The following ITGA7 variants were observed in gnomAD, a reference collection of about 807,000 sequenced individuals.
ITGA7 encodes integrin subunit alpha 7.
ITGA7 carries 84 observed loss-of-function variants against 131.6 expected under a neutral mutation model. That is an observed-to-expected ratio of 0.64 (90% CI 0.54 to 0.77). The LOEUF (loss-of-function observed/expected upper bound fraction) is 0.77. ITGA7 is among the 30% of genes least tolerant of loss of function. The pLI is 0.00. For missense variants in ITGA7, 1,399 were observed against 1,482.9 expected (o/e 0.94, Z 0.93); for synonymous variants, 548 against 600.7 (o/e 0.91, Z 1.28).
At chr12:55,707,436 T>C in intron 1 of ITGA7, 41 bp downstream of exon 1, 3 of 1,527,230 alleles carry the variant, frequency 2.0e-6, no homozygotes, top group Non-Finnish European at 1.8e-6. Context: ...GGACGATCTG[T>C]GGCTCGGGCA....
chr12:55,713,173 T>A (rs1002485248), upstream of ITGA7, among the ~76,000 whole-genome samples: 1 of 152,160 alleles, frequency 6.6e-6, no homozygotes, highest in African/African-American at 2.4e-5. Context: ...CTGCCTCTAT[T>A]TTGCTTGCTC....
At chr12:55,689,675 T>A (rs1000334552) in intron 21 of ITGA7, among the ~76,000 whole-genome samples, 2 of 152,234 alleles carry the variant, frequency 1.3e-5, no homozygotes, top group Admixed American at 1.3e-4. Context: ...ATTTTGCCAC[T>A]TTTGAGCCAT....
chr12:55,690,371 A>C (rs1401955597), intron 21 of ITGA7, among the ~76,000 whole-genome samples: 2 of 151,090 alleles, frequency 1.3e-5, no homozygotes, highest in Non-Finnish European at 3.0e-5. Context: ...ACATGAAAAA[A>C]TGCTCACCAT....
rs1367076468 is a variant in ITGA7 at position 55,694,174 on chromosome 12, A to G, written c.2433-51T>C. ...GTGAGAAGGTCTGGGGCCTGGCTCA[A>G]TGAAGGCAGGGCCCTGGCCAAGGTT... On this transcript the variant is annotated intron_variant, in intron 18 of 24. Coordinates refer to ENST00000257879, the MANE Select transcript of ITGA7 (RefSeq NM_002206.3). This position sits in a 1 kb window ranked among gnomAD's most constrained non-coding sequence, Gnocchi z 5.3. 1 of 1,611,328 alleles carries G rather than the reference A, an allele frequency of 6.2e-7. No individual in the cohort carries two copies. Among genetic ancestry groups the G allele is most frequent in the Non-Finnish European group, 8.5e-7 (1 of 1,177,410 alleles).
upstream of ITGA7, among the ~76,000 whole-genome samples, chr12:55,711,732 A>G (rs565560850): frequency 6.6e-5 from 10 of 152,326 alleles, no homozygotes; most frequent in South Asian, 2.1e-3. Context: ...CTTTATAAAA[A>G]TTTCCAAAAT....
In ITGA7 at chr12:55,684,745, C is replaced by T; in HGVS notation, c.*313G>A. 2.8e-6 allele frequency: 1 copy of T among 359,046 alleles called. No individual in the cohort carries two copies. Among genetic ancestry groups the T allele is most frequent in the Non-Finnish European group, 5.0e-6 (1 of 198,406 alleles). The allele number at this position is 359,046 out of a possible 1,614,324, so 22.2% of individuals were successfully genotyped here. On this transcript the variant is annotated 3_prime_UTR_variant, in exon 25 of 25. Coordinates refer to ENST00000257879, the MANE Select transcript of ITGA7 (RefSeq NM_002206.3). ...TTCCGGGGAGGCAGGTCCTTGGGGT[C>T]CTGTTACACAGGGTGAATGGGAGAG...
chr12:55,700,501 C>A, intron 4 of ITGA7: 2 of 1,353,322 alleles, frequency 1.5e-6, no homozygotes, highest in Non-Finnish European at 2.0e-6. Context: ...TTCTTTCTAG[C>A]CCTCTCCCCA....
At position 55,707,462 on chromosome 12, in the gene ITGA7, G is replaced by A. The variant is rs1875451886; in HGVS notation, c.206+15C>T. 8.1e-6 allele frequency: 13 copies of A among 1,604,804 alleles called. No individual in the cohort carries two copies. Among genetic ancestry groups the A allele is most frequent in the Non-Finnish European group, 1.1e-5 (13 of 1,172,456 alleles). On this transcript the variant is annotated intron_variant, in intron 1 of 24. Transcript: ENST00000257879. ...GGCTCGGGCATGGCGACTCTGGGCG[G>A]GTGCGGTGACTCACCAGCTCTGGGG...
intron 21 of ITGA7, among the ~76,000 whole-genome samples, chr12:55,689,195 C>T (rs1870923291): frequency 6.6e-6 from 1 of 152,188 alleles, no homozygotes; most frequent in Non-Finnish European, 1.5e-5. Flanking sequence ...GTAGCTTCCC[C>T]AAGTGATGCT....
In ITGA7 at chr12:55,694,930, G is replaced by T; in HGVS notation, c.2044C>A (p.Gln682Lys). Residue 682 changes from glutamine (Q) to lysine (K), a missense_variant, in exon 15 of 25, where the codon CAG becomes AAG. Coordinates refer to ENST00000257879, the MANE Select transcript of ITGA7 (RefSeq NM_002206.3). This position sits in a 1 kb window ranked among gnomAD's most constrained non-coding sequence, Gnocchi z 5.3. ...GTTALFALSG[Q>K]PVIGLELMVT... Reference sequence around the variant, plus strand: ...ATCAGCTCCAGGCCAATGACTGGCTGCCCACTCAGTGCAAACAGGGCTGTT... The same window carrying T: ...ATCAGCTCCAGGCCAATGACTGGCTTCCCACTCAGTGCAAACAGGGCTGTT... 1.2e-6 allele frequency: 2 copies of T among 1,613,894 alleles called. No homozygotes were observed. The highest frequency in any genetic ancestry group is 1.3e-5 in the African/African-American group (1 of 75,038).
Position 55,694,329 on chromosome 12 carries a change from T to C in ITGA7, c.2359A>G (p.Ile787Val). The change falls in exon 18 of 25, where the codon ATC (isoleucine) becomes GTC (valine). Residue 787 changes from isoleucine to valine, a missense_variant and splice_region_variant. Transcript: ENST00000257879. This position sits in a 1 kb window ranked among gnomAD's most constrained non-coding sequence, Gnocchi z 5.3. The part of the protein sequence containing the change: ...ELEVELLLAT[I>V]SEQELHPVSA... ...ACTGGATGCAGCTCCTGCTCACTGA[T>C]CCTGGTGAGTGGGCAGGGGCAAGTA... The C allele has an allele frequency of 6.2e-7, 1 of 1,613,770 alleles. No homozygotes were observed. Among genetic ancestry groups the C allele is most frequent in the Non-Finnish European group, 8.5e-7 (1 of 1,179,984 alleles).
At position 55,698,423 on chromosome 12, in the gene ITGA7, G is replaced by A. The variant is rs763567499; in HGVS notation, c.1152C>T (p.Ser384=). The A allele has an allele frequency of 6.2e-7, 1 of 1,613,716 alleles. No individual in the cohort carries two copies. The highest frequency in any genetic ancestry group is 1.1e-5 in the South Asian group (1 of 91,062). Residue 384 remains serine, a synonymous_variant, in exon 7 of 25, where the codon AGC becomes AGT. Transcript: ENST00000257879. ...CGSPDSMFGI[S]LAVLGDLNQD... is the part of the protein sequence containing the mutation. Reference sequence around the variant, plus strand: ...GGTTGAGGTCCCCCAGGACAGCCAGGCTGATCCCGAACATGGAGTCAGGGG... The same window carrying A: ...GGTTGAGGTCCCCCAGGACAGCCAGACTGATCCCGAACATGGAGTCAGGGG...
At position 55,687,693 on chromosome 12, in the gene ITGA7, T is replaced by C. The variant is rs531368564; in HGVS notation, c.3183+278A>G. Reference sequence around the variant, plus strand: ...TAAGTAGAGATGGGGTTTCACCATGTTGTCCAGGCTGGTCTCGAACTCCTG... The same window carrying C: ...TAAGTAGAGATGGGGTTTCACCATGCTGTCCAGGCTGGTCTCGAACTCCTG... On this transcript the variant is annotated intron_variant, in intron 24 of 24. Transcript: ENST00000257879. Among the ~76,000 whole-genome samples the C allele has an allele frequency of 3.6e-3, 542 of 152,128 alleles. 3 individuals carry two copies. Among genetic ancestry groups the C allele is most frequent in the African/African-American group, 4.4e-3 (181 of 41,468 alleles).
chr12:55,700,320 C>A (rs746348783), intron 4 of ITGA7: 47 of 1,610,436 alleles, frequency 2.9e-5, no homozygotes, highest in Non-Finnish European at 3.7e-5. Context: ...TCTCTCCCCC[C>A]GCCTCGTAGG....
At chr12:55,702,325 C>T (rs894834623) in intron 3 of ITGA7, among the ~76,000 whole-genome samples, 4 of 152,366 alleles carry the variant, frequency 2.6e-5, no homozygotes, top group South Asian at 2.1e-4. Context: ...GGACTACAGG[C>T]GCCCGCCACC....
chr12:55,712,785 G>A (rs575663245), upstream of ITGA7, among the ~76,000 whole-genome samples: 9 of 152,310 alleles, frequency 5.9e-5, no homozygotes, highest in South Asian at 1.0e-3. Flanking sequence ...GATAACCCTA[G>A]AGAGATCAGA....
rs1403525305 is a variant in ITGA7 at position 55,687,953 on chromosome 12, CCCA to C, written c.3183+15_3183+17del. 1.2e-6 allele frequency: 2 copies of C among 1,613,874 alleles called. No individual in the cohort carries two copies. Among genetic ancestry groups the C allele is most frequent in the Non-Finnish European group, 1.7e-6 (2 of 1,180,014 alleles). ...AACCAGGAAGTCCACCCCCATCAGC[CCCA>C]CCTCCAAGCCTCACCTTCCACAGGA... is the stretch of plus-strand genomic sequence containing the variant. On this transcript the variant is annotated intron_variant, in intron 24 of 24. Coordinates refer to ENST00000257879, the MANE Select transcript of ITGA7 (RefSeq NM_002206.3).
intron 1 of ITGA7, among the ~76,000 whole-genome samples, chr12:55,704,825 G>A (rs1334559263): frequency 6.6e-6 from 1 of 152,118 alleles, no homozygotes; most frequent in Non-Finnish European, 1.5e-5. Flanking sequence ...GGAGAGAGTG[G>A]GGAGATGAGG....
At chr12:55,715,590 C>T (rs1395282412), upstream of ITGA7, among the ~76,000 whole-genome samples, 1 of 152,178 alleles carries the variant, frequency 6.6e-6, no homozygotes, top group Non-Finnish European at 1.5e-5. Context: ...AGGAGGCTGT[C>T]TGAAGTGCCT....
Sources: gnomAD v4.1 joint callset for allele counts (sites outside exome capture counted in the v4.1 genomes callset) on GRCh38, gnomAD v4.1.1 for gene constraint, Gnocchi (gnomAD v3.1) non-coding constraint, MANE v1.5 for transcripts, NCBI Gene and HGNC (gene_info 2026-07-23, HGNC 2026-07-21) for gene names.